PLCL1: variants seen among roughly 807,000 people sequenced by gnomAD.
PLCL1 encodes inactive phospholipase C-like protein 1.
In PLCL1, 41 loss-of-function variants were observed where a neutral mutation model predicts 84.4. That is an observed-to-expected ratio of 0.49 (90% CI 0.38 to 0.63). PLCL1 has a LOEUF of 0.63. PLCL1 is among the 30% of genes least tolerant of loss of function. The probability of loss-of-function intolerance (pLI) is 0.00; values close to 1 mark genes in which losing one functional copy is unlikely to be tolerated. For missense variants in PLCL1, 1,206 were observed against 1,367.8 expected, an observed-to-expected ratio of 0.88 and a Z score of 1.87; for synonymous variants, 490 against 488.3, an observed-to-expected ratio of 1.00 and a Z score of -0.05.
chr2:197,830,205 G>A (rs1691027155), intron 1 of PLCL1, among the ~76,000 whole-genome samples: 1 of 151,748 alleles, frequency 6.6e-6, no homozygotes, highest in South Asian at 2.1e-4. Context: ...TCAGAAGGTG[G>A]GTAATAACAA....
intron 1 of PLCL1, among the ~76,000 whole-genome samples, chr2:198,039,883 A>G (rs188428640): frequency 2.0e-5 from 3 of 152,288 alleles, no homozygotes; most frequent in African/African-American, 7.2e-5. Context: ...GTTCTAGAAA[A>G]TGTATGGTAC....
At chr2:198,089,757 G>A (rs1692973348) in intron 3 of PLCL1, among the ~76,000 whole-genome samples, 1 of 151,908 alleles carries the variant, frequency 6.6e-6, no homozygotes, top group Admixed American at 6.6e-5. Flanking sequence ...GGATATTAAG[G>A]GACAACCAAT....
At position 198,083,746 on chromosome 2, in the gene PLCL1, A is replaced by T. The variant is rs1464914938; in HGVS notation, c.241-12A>T. 6.5e-7 allele frequency: 1 copy of T among 1,538,432 alleles called. No individual in the cohort carries two copies. The highest frequency in any genetic ancestry group is 1.4e-5 in the African/African-American group (1 of 71,814). On this transcript the variant is annotated splice_polypyrimidine_tract_variant and intron_variant, in intron 1 of 5. Coordinates refer to ENST00000428675, the MANE Select transcript of PLCL1 (RefSeq NM_006226.4). ...AAGGAAATTGATTCATTTTTTTCAA[A>T]TTATTTTACAGGATCCTTCAAACCA... is the stretch of plus-strand genomic sequence containing the variant.
In PLCL1 at chr2:198,103,115, A is replaced by G. The variant is rs147087827; in HGVS notation, c.2996-712A>G. 2.2e-3 allele frequency among the ~76,000 whole-genome samples: 340 copies of G among 152,178 alleles called. 3 individuals are homozygous for G. The highest frequency in any genetic ancestry group is 7.6e-3 in the African/African-American group (314 of 41,568). ...ATCTATGTGGGTTCCAGGACCTACT[A>G]TTAAGCGACAGGGATGGTTCATAAA... On this transcript the variant is annotated intron_variant, in intron 4 of 5. Coordinates refer to ENST00000428675, the MANE Select transcript of PLCL1 (RefSeq NM_006226.4).
intron 1 of PLCL1, among the ~76,000 whole-genome samples, chr2:197,997,200 G>T (rs1176255188): frequency 6.6e-6 from 1 of 152,254 alleles, no homozygotes; most frequent in Non-Finnish European, 1.5e-5. Flanking sequence ...ACAGTCCACA[G>T]AGTCCGCTCC....
chr2:198,123,941 C>A (rs546165477), intron 5 of PLCL1, among the ~76,000 whole-genome samples: 12 of 152,196 alleles, frequency 7.9e-5, no homozygotes, highest in Admixed American at 3.3e-4. Flanking sequence ...GAAACCAGTA[C>A]CTGGTGCCAA....
chr2:197,893,246 A>G (rs954199364), intron 1 of PLCL1, among the ~76,000 whole-genome samples: 8 of 152,180 alleles, frequency 5.3e-5, no homozygotes, highest in Non-Finnish European at 1.2e-4. Context: ...GTCTCTTATT[A>G]GATTTGAACC....
intron 1 of PLCL1, among the ~76,000 whole-genome samples, chr2:198,000,917 T>C (rs1690585698): frequency 1.3e-5 from 2 of 152,174 alleles, no homozygotes; most frequent in South Asian, 4.1e-4. Flanking sequence ...ATGTATCCTG[T>C]TAACGAGTCA....
intron 1 of PLCL1, among the ~76,000 whole-genome samples, chr2:197,844,648 A>C (rs1469354571): frequency 6.6e-6 from 1 of 152,140 alleles, no homozygotes; most frequent in Non-Finnish European, 1.5e-5. Context: ...ATTGTGGCTA[A>C]GGATTTCTAA....
intron 1 of PLCL1, among the ~76,000 whole-genome samples, chr2:197,952,812 T>C (rs996343655): frequency 6.6e-6 from 1 of 152,120 alleles, no homozygotes; most frequent in African/African-American, 2.4e-5. Flanking sequence ...GTTTCCCCTT[T>C]CACTTGGCTC....
At chr2:197,855,368 T>G (rs1206712057) in intron 1 of PLCL1, among the ~76,000 whole-genome samples, 1 of 152,192 alleles carries the variant, frequency 6.6e-6, no homozygotes, top group African/African-American at 2.4e-5. Context: ...TTTAGGTTTT[T>G]CTACCAGTCC....
At chr2:197,894,029 T>TG (rs1242021551) in intron 1 of PLCL1, among the ~76,000 whole-genome samples, 1 of 151,084 alleles carries the variant, frequency 6.6e-6, no homozygotes, top group Non-Finnish European at 1.5e-5. Context: ...CAGTAAGGGG[T>TG]GGGGGGTAGT....
rs968446981 is a variant in PLCL1 at position 198,085,763 on chromosome 2, A to G, written c.2246A>G (p.Tyr749Cys). 1 of 1,613,464 alleles carries G rather than the reference A, an allele frequency of 6.2e-7. No individual in the cohort carries two copies. Among genetic ancestry groups the G allele is most frequent in the Non-Finnish European group, 8.5e-7 (1 of 1,179,462 alleles). The change falls in exon 2 of 6, where the codon TAT (tyrosine) becomes TGT (cysteine). Residue 749 changes from tyrosine (Y) to cysteine (C), a missense_variant. Physicochemically the swap from Tyr to Cys is radical, Grantham distance 194 (BLOSUM62 -2). Transcript: ENST00000428675. The surrounding 1 kb of genome is among the most constrained non-coding windows in gnomAD (Gnocchi z 5.3). The stretch of plus-strand genomic sequence containing the variant: ...GCCAAAGGGGATGTCATAGATCCCT[A>G]TGTTTGTATAGAGATACACGGAATT... Reference protein sequence around the residue: ...ACAKGDVIDPYVCIEIHGIPA... With the variant: ...ACAKGDVIDPCVCIEIHGIPA...
intron 1 of PLCL1, among the ~76,000 whole-genome samples, chr2:198,064,040 T>C (rs1692267781): frequency 1.3e-5 from 2 of 152,242 alleles, no homozygotes; most frequent in East Asian, 1.9e-4. Context: ...ATGGGATTTC[T>C]ACAAACTTTT....
chr2:197,897,108 CT>C (rs1559038438), intron 1 of PLCL1, among the ~76,000 whole-genome samples: 52 of 36,912 alleles, frequency 1.4e-3, no homozygotes, highest in African/African-American at 7.5e-3. Context: ...CCTTCTTCTT[CT>C]TCTTCTTCTT....
At chr2:197,884,909 T>C (rs1687890772) in intron 1 of PLCL1, among the ~76,000 whole-genome samples, 1 of 152,138 alleles carries the variant, frequency 6.6e-6, no homozygotes, top group Non-Finnish European at 1.5e-5. Flanking sequence ...GACTGTATTG[T>C]TCCCTTGCTT....
intron 1 of PLCL1, among the ~76,000 whole-genome samples, chr2:197,953,321 G>A (rs1169074192): frequency 6.6e-6 from 1 of 152,004 alleles, no homozygotes; most frequent in Admixed American, 6.6e-5. Context: ...GCCTATATGA[G>A]TTACCTTCTT....
intron 1 of PLCL1, among the ~76,000 whole-genome samples, chr2:197,856,375 G>C (rs928806793): frequency 2.0e-5 from 3 of 152,058 alleles, no homozygotes; most frequent in Non-Finnish European, 4.4e-5. Context: ...AGCATTATAG[G>C]ATCTTAGATT....
chr2:197,942,515 A>G (rs1574960886), intron 1 of PLCL1, among the ~76,000 whole-genome samples: 4 of 152,310 alleles, frequency 2.6e-5, no homozygotes, highest in Middle Eastern at 3.4e-3. Context: ...TATGAAATCA[A>G]TTTCTCCCTA....
Sources: allele counts gnomAD v4.1 joint callset (sites outside exome capture counted in the v4.1 genomes callset), GRCh38; gene constraint gnomAD v4.1.1; non-coding constraint Gnocchi (gnomAD v3.1); transcripts MANE v1.5; gene names NCBI Gene and HGNC (gene_info 2026-07-23, HGNC 2026-07-21).